USH2A: variants seen among roughly 807,000 people sequenced by gnomAD.
USH2A encodes usherin.
USH2A carries 443 observed loss-of-function variants against 538.9 expected under a neutral mutation model. That is an observed-to-expected ratio of 0.82 (90% CI 0.76 to 0.89). The LOEUF (loss-of-function observed/expected upper bound fraction) is 0.89. USH2A is among the 40% of genes least tolerant of loss of function. USH2A has a pLI of 0.00. For synonymous variants in USH2A, 2,413 were observed against 2,273.5 expected (o/e 1.06, Z -1.75); for missense variants, 6,633 against 6,324.8 (o/e 1.05, Z -1.65).
intron 14 of USH2A, among the ~76,000 whole-genome samples, chr1:216,230,569 T>G (rs963665363): frequency 6.6e-6 from 1 of 152,154 alleles, no homozygotes; most frequent in Non-Finnish European, 1.5e-5. Context: ...AAAGTCAAAA[T>G]GAACTAGTTT....
At position 216,190,318 on chromosome 1, in the gene USH2A, A is replaced by C; in HGVS notation, c.4301T>G (p.Leu1434Arg). The change falls in exon 20 of 72, where the codon CTG (leucine) becomes CGG (arginine). Residue 1434 changes from leucine (L) to arginine (R), a missense_variant. By Grantham distance (102) the Leu-to-Arg change is moderately radical. Coordinates refer to ENST00000307340, the MANE Select transcript of USH2A (RefSeq NM_206933.4). ...AAACTCATATATCCTATAAGGTTTC[A>C]GTCCTTCTACAGTGTAAGATAGTTC... The part of the protein sequence containing the change: ...SQELSYTVEG[L>R]KPYRIYEFTI... 6.2e-7 allele frequency: 1 copy of C among 1,612,414 alleles called. No homozygotes were observed. Among genetic ancestry groups the C allele is most frequent in the Non-Finnish European group, 8.5e-7 (1 of 1,178,994 alleles).
chr1:216,404,618 C>CTTTTTT (rs375562284), intron 3 of USH2A, among the ~76,000 whole-genome samples: 4 of 110,036 alleles, frequency 3.6e-5, no homozygotes, highest in East Asian at 3.0e-4. Context: ...GAAACATAGG[C>CTTTTTT]TTTTTTTTTT....
At chr1:215,777,079 G>T (rs760357404) in intron 55 of USH2A, among the ~76,000 whole-genome samples, 1 of 152,106 alleles carries the variant, frequency 6.6e-6, no homozygotes. Context: ...AGAACAGGGA[G>T]ATTGGTCAAA....
At chr1:215,634,331 C>T in intron 70 of USH2A, 128 bp downstream of exon 70, 2 of 1,486,686 alleles carry the variant, frequency 1.3e-6, no homozygotes, top group African/African-American at 1.4e-5. Context: ...CTCTTGGTCC[C>T]CACACTTAGT....
intron 11 of USH2A, among the ~76,000 whole-genome samples, chr1:216,260,833 C>T (rs2036356002): frequency 6.6e-6 from 1 of 152,062 alleles, no homozygotes; most frequent in Admixed American, 6.6e-5. Context: ...TATACACTGC[C>T]TCTCCCCTTT....
intron 43 of USH2A, among the ~76,000 whole-genome samples, chr1:215,875,335 T>C (rs1664735931): frequency 6.6e-6 from 1 of 151,902 alleles, no homozygotes; most frequent in Admixed American, 6.6e-5. Flanking sequence ...GTTATTTTAA[T>C]AAATAAAAAA....
chr1:216,168,640 G>C (rs981206508), intron 21 of USH2A, among the ~76,000 whole-genome samples: 2 of 152,090 alleles, frequency 1.3e-5, no homozygotes, highest in Admixed American at 1.3e-4. Flanking sequence ...TACAAGATAA[G>C]GAATGATGGT....
At chr1:215,988,731 G>A (rs2102472862) in intron 35 of USH2A, among the ~76,000 whole-genome samples, 1 of 152,116 alleles carries the variant, frequency 6.6e-6, no homozygotes, top group East Asian at 1.9e-4. Context: ...CAATTATTAT[G>A]TCTCAGGCAC....
At chr1:216,378,013 C>A (rs1478579981) in intron 3 of USH2A, among the ~76,000 whole-genome samples, 1 of 151,800 alleles carries the variant, frequency 6.6e-6, no homozygotes, top group Non-Finnish European at 1.5e-5. Flanking sequence ...GATGGTTCTG[C>A]CTTCACAAAG....
chr1:216,086,615 A>T, intron 24 of USH2A, 104 bp downstream of exon 24: 1 of 1,001,520 alleles, frequency 1.0e-6, no homozygotes, highest in South Asian at 1.4e-5. Context: ...TATAGAAAAT[A>T]TAGCATGAGG....
chr1:216,382,657 T>C (rs1421793414), intron 3 of USH2A, among the ~76,000 whole-genome samples: 1 of 152,150 alleles, frequency 6.6e-6, no homozygotes, highest in African/African-American at 2.4e-5. Flanking sequence ...GGAGTCATGG[T>C]TGTGAGTAAG....
In USH2A at chr1:215,728,330, G is replaced by A; in HGVS notation, c.11766C>T (p.Ala3922=). 2 of 1,614,058 alleles carry A rather than the reference G, an allele frequency of 1.2e-6. No individual in the cohort carries two copies. Among genetic ancestry groups the A allele is most frequent in the Non-Finnish European group, 8.5e-7 (1 of 1,180,026 alleles). The change falls in exon 61 of 72, where the codon GCC becomes GCT. Residue 3922 remains alanine, a synonymous_variant. Transcript: ENST00000307340. The part of the protein sequence containing the change: ...ESVLFVWSEG[A]LEFMDEGDTL... ...TGTCTCCTTCATCCATAAATTCAAG[G>A]GCTCCTTCTGACCAGACAAATAAAA... is the stretch of plus-strand genomic sequence containing the variant.
intron 3 of USH2A, among the ~76,000 whole-genome samples, chr1:216,405,818 C>A (rs1252660544): frequency 1.3e-5 from 2 of 152,176 alleles, no homozygotes; most frequent in Non-Finnish European, 2.9e-5. Context: ...AACCATGGTA[C>A]CCACATACCG....
chr1:215,878,672 G>A, intron 42 of USH2A, 92 bp downstream of exon 42: 1 of 1,315,322 alleles, frequency 7.6e-7, no homozygotes, highest in Non-Finnish European at 1.1e-6. Flanking sequence ...TTAGTTCTAT[G>A]TTCATATAGG....
intron 11 of USH2A, among the ~76,000 whole-genome samples, chr1:216,284,861 G>A (rs1453292811): frequency 6.6e-6 from 1 of 152,172 alleles, no homozygotes; most frequent in Non-Finnish European, 1.5e-5. Context: ...GTAACTTGTG[G>A]GGAACTGGAG....
At chr1:215,830,069 A>G (rs1335161062) in intron 47 of USH2A, among the ~76,000 whole-genome samples, 2 of 152,178 alleles carry the variant, frequency 1.3e-5, no homozygotes, top group East Asian at 3.9e-4. Flanking sequence ...GGGGAGACAA[A>G]ACTTTAAGAA....
At chr1:216,082,436 A>T (rs2102558634) in intron 26 of USH2A, among the ~76,000 whole-genome samples, 1 of 150,620 alleles carries the variant, frequency 6.6e-6, no homozygotes, top group Non-Finnish European at 1.5e-5. Context: ...TCTTAGCAAT[A>T]TTGGCATTGT....
At chr1:215,948,439 T>TACAC (rs1311169524) in intron 37 of USH2A, among the ~76,000 whole-genome samples, 4 of 146,910 alleles carry the variant, frequency 2.7e-5, no homozygotes, top group African/African-American at 1.0e-4. Flanking sequence ...TATATATATA[T>TACAC]ATATACACAC....
chr1:215,639,015 A>C (rs560419547), intron 69 of USH2A, 140 bp downstream of exon 69: 140 of 880,812 alleles, frequency 1.6e-4, no homozygotes, highest in African/African-American at 7.7e-4. Flanking sequence ...AAAAAAAAAA[A>C]CTCTGACAAC....
Sources: allele counts gnomAD v4.1 joint callset (sites outside exome capture counted in the v4.1 genomes callset), GRCh38; gene constraint gnomAD v4.1.1; transcripts MANE v1.5; gene names NCBI Gene and HGNC (gene_info 2026-07-23, HGNC 2026-07-21).